The following CENPI variants were observed in gnomAD, a reference collection of about 807,000 sequenced individuals.
The protein encoded by CENPI is centromere protein I, also known as FSH primary response 1.
CENPI carries 4 observed loss-of-function variants against 60.4 expected under a neutral mutation model. The observed-to-expected ratio is 0.07, with a 90% CI of 0.03 to 0.15. The LOEUF is 0.15. CENPI is among the 10% of genes least tolerant of loss of function. The pLI, the probability that CENPI is intolerant of heterozygous loss-of-function variation, is 1.00. For missense variants in CENPI, 444 were observed against 534.5 expected (o/e 0.83, Z 1.67); for synonymous variants, 157 against 189.4 (o/e 0.83, Z 1.40).
At chrX:101,131,982 T>G (rs1490376709) in intron 13 of CENPI, among the ~76,000 whole-genome samples, 3 of 112,193 alleles carry the variant, frequency 2.7e-5, no homozygotes, top group Non-Finnish European at 5.6e-5. Context: ...AGAACTGTAT[T>G]GATAAAAATG....
chrX:101,181,294 C>T, the CENPI span, among the ~76,000 whole-genome samples: 1 of 111,788 alleles, frequency 8.9e-6, no homozygotes, highest in Non-Finnish European at 1.9e-5. Context: ...TTCTGGGTCC[C>T]TTACATTTCC....
At chrX:101,100,819 A>G (rs1569496945) in intron 2 of CENPI, 1 of 354,887 alleles carries the variant, frequency 2.8e-6, no homozygotes, top group Non-Finnish European at 4.9e-6. Context: ...TTCCACTAGA[A>G]AGCTAGTTCA....
intron 8 of CENPI, 92 bp downstream of exon 8, chrX:101,120,876 CT>C (rs368295326): frequency 0.18 from 76,919 of 429,622 alleles, no homozygotes; most frequent in Middle Eastern, 0.26. Flanking sequence ...AACTCTTGAT[CT>C]TTTTTTTTTT....
In CENPI at chrX:101,126,570, G is replaced by A. The variant is rs6523451; in HGVS notation, c.688-139G>A. On this transcript the variant is annotated intron_variant, in intron 8 of 21. Coordinates refer to ENST00000682095, the MANE Select transcript of CENPI (RefSeq NM_001386188.2). Reference sequence around the variant, plus strand: ...TTAAATGTCTGGTTACTCATTCCTTGATTTTTGATAGCATCTTCCTATAGC... The same window carrying A: ...TTAAATGTCTGGTTACTCATTCCTTAATTTTTGATAGCATCTTCCTATAGC... 5,701 of 487,239 alleles carry A rather than the reference G, an allele frequency of 0.012. 292 individuals are homozygous for A. The African/African-American group carries it at 0.12, about 11-fold the overall frequency. 40.2% of individuals were successfully genotyped at this position (487,239 alleles called of 1,213,427 possible).
the CENPI span, among the ~76,000 whole-genome samples, chrX:101,171,904 A>G: frequency 8.9e-6 from 1 of 112,022 alleles, no homozygotes; most frequent in Non-Finnish European, 1.9e-5. Flanking sequence ...TGGAAACAAA[A>G]TGAGAGGAAA....
intron 2 of CENPI, chrX:101,099,926 T>C (rs1461702916): frequency 9.2e-6 from 1 of 108,793 alleles, no homozygotes; most frequent in Non-Finnish European, 1.9e-5. Context: ...TAGATAGGAC[T>C]ACAGGCACGT....
intron 20 of CENPI, among the ~76,000 whole-genome samples, chrX:101,155,197 G>C (rs1242955683): frequency 9.0e-6 from 1 of 110,912 alleles, no homozygotes; most frequent in African/African-American, 3.3e-5. Context: ...AGTTTGTTGA[G>C]TGGTGTTTTT....
At chrX:101,139,460 A>C (rs1217826352) in intron 15 of CENPI, among the ~76,000 whole-genome samples, 1 of 112,199 alleles carries the variant, frequency 8.9e-6, no homozygotes, top group Non-Finnish European at 1.9e-5. Context: ...ATTAAAAATA[A>C]AATATTAAAA....
the CENPI span, among the ~76,000 whole-genome samples, chrX:101,181,818 G>A: frequency 8.9e-6 from 1 of 112,217 alleles, no homozygotes; most frequent in African/African-American, 3.2e-5. Flanking sequence ...CCAGTACAAT[G>A]GTGAATGGAA....
intron 20 of CENPI, among the ~76,000 whole-genome samples, chrX:101,154,032 T>C (rs939181736): frequency 4.5e-5 from 5 of 111,997 alleles, no homozygotes; most frequent in Admixed American, 9.6e-5. Context: ...CCCATTAAAA[T>C]GTCTTGGCAC....
At chrX:101,171,274 C>T in the CENPI span, among the ~76,000 whole-genome samples, 2 of 107,014 alleles carry the variant, frequency 1.9e-5, no homozygotes, top group East Asian at 3.0e-4. Flanking sequence ...TGTACTGGGA[C>T]GGTATAATAG....
chrX:101,172,288 C>A, the CENPI span, among the ~76,000 whole-genome samples: 1 of 111,749 alleles, frequency 8.9e-6, no homozygotes, highest in Non-Finnish European at 1.9e-5. Flanking sequence ...TATGAGCCTG[C>A]AATTCCACTG....
chrX:101,168,498 G>A (rs776041086), downstream of CENPI, among the ~76,000 whole-genome samples: 2 of 111,761 alleles, frequency 1.8e-5, no homozygotes, highest in Non-Finnish European at 3.8e-5. Context: ...CCCGGGAGGT[G>A]GAGGTTGCAG....
the CENPI span, among the ~76,000 whole-genome samples, chrX:101,174,579 C>G: frequency 2.7e-5 from 3 of 110,610 alleles, no homozygotes; most frequent in Non-Finnish European, 5.7e-5. Context: ...AACCAAATAC[C>G]ACGTGTTCGC....
intron 12 of CENPI, 67 bp from the exon 13 acceptor site, chrX:101,129,915 A>T: frequency 1.4e-6 from 1 of 725,456 alleles, no homozygotes. Flanking sequence ...CTTTAGTGAT[A>T]ATTATGTTTT....
chrX:101,128,910 A>G (rs1205404953), intron 12 of CENPI, 74 bp downstream of exon 12: 1 of 890,536 alleles, frequency 1.1e-6, no homozygotes, highest in African/African-American at 2.0e-5. Flanking sequence ...AATTCTAGAC[A>G]GCAGGAGCCT....
the CENPI span, among the ~76,000 whole-genome samples, chrX:101,178,398 CTTTTTTTTTTTTTT>C: frequency 1.3e-4 from 5 of 39,983 alleles, no homozygotes; most frequent in African/African-American, 3.5e-4. Context: ...TTTTCTTCTT[CTTTTTTTTTTTTTT>C]TTTTTTTTTT....
intron 13 of CENPI, 109 bp downstream of exon 13, chrX:101,130,182 C>G: frequency 1.9e-6 from 1 of 525,164 alleles, no homozygotes; most frequent in East Asian, 3.9e-5. Context: ...CACCTGTAAT[C>G]TCAGCACTTT....
chrX:101,124,974 A>G (rs2089720098), intron 8 of CENPI, among the ~76,000 whole-genome samples: 2 of 111,653 alleles, frequency 1.8e-5, no homozygotes, highest in Admixed American at 1.9e-4. Flanking sequence ...TGAGCACTAG[A>G]AAGGGGTGAG....
Sources: gnomAD v4.1 joint callset for allele counts (sites outside exome capture counted in the v4.1 genomes callset) on GRCh38, gnomAD v4.1.1 for gene constraint, MANE v1.5 for transcripts, NCBI Gene and HGNC (gene_info 2026-07-23, HGNC 2026-07-21) for gene names.